Variants in VAT1L observed in about 807,000 individuals in gnomAD.
VAT1L encodes putative NADPH-dependent quinone oxidoreductase VAT1L.
VAT1L carries 34 observed loss-of-function variants against 44.1 expected under a neutral mutation model. The observed-to-expected ratio is 0.77, with a 90% CI of 0.59 to 1.03. The LOEUF (loss-of-function observed/expected upper bound fraction) is 1.03, where lower values mean the gene tolerates loss of function less well. VAT1L is among the 50% of genes least tolerant of loss of function. The probability of loss-of-function intolerance (pLI) is 0.00; values close to 1 mark genes in which losing one functional copy is unlikely to be tolerated. For missense variants in VAT1L, 615 were observed against 538.8 expected (o/e 1.14, Z -1.40); for synonymous variants, 253 against 202.2 (o/e 1.25, Z -2.13).
At chr16:77,805,652 C>T (rs755399375) in intron 1 of VAT1L, among the ~76,000 whole-genome samples, 63 of 150,952 alleles carry the variant, frequency 4.2e-4, no homozygotes, top group Non-Finnish European at 7.1e-4. Context: ...GTTAAAGTTC[C>T]GAGGCAGAGG....
chr16:77,903,948 G>C (rs191605923), intron 7 of VAT1L, among the ~76,000 whole-genome samples: 8 of 151,924 alleles, frequency 5.3e-5, no homozygotes, highest in Non-Finnish European at 1.2e-4. Flanking sequence ...ATGTTAGCAA[G>C]GATGGTCTCG....
At chr16:77,868,916 C>T (rs150495949) in intron 4 of VAT1L, among the ~76,000 whole-genome samples, 5 of 152,234 alleles carry the variant, frequency 3.3e-5, no homozygotes, top group South Asian at 4.2e-4. Context: ...AAATATGAAA[C>T]GACTGCAGAC....
intron 7 of VAT1L, among the ~76,000 whole-genome samples, chr16:77,953,099 G>A (rs187687238): frequency 2.0e-5 from 3 of 152,246 alleles, no homozygotes; most frequent in Non-Finnish European, 2.9e-5. Flanking sequence ...TGATGATGGA[G>A]GCAGAGACAG....
At chr16:77,809,837 A>G (rs974735618) in intron 1 of VAT1L, among the ~76,000 whole-genome samples, 1 of 152,202 alleles carries the variant, frequency 6.6e-6, no homozygotes, top group African/African-American at 2.4e-5. Flanking sequence ...CTTGTGTTTT[A>G]AATTTCCTCC....
intron 5 of VAT1L, among the ~76,000 whole-genome samples, chr16:77,877,224 C>T (rs2017097048): frequency 6.6e-6 from 1 of 152,082 alleles, no homozygotes; most frequent in Non-Finnish European, 1.5e-5. Flanking sequence ...ACATTAGTCT[C>T]CACAGGCCGG....
intron 1 of VAT1L, among the ~76,000 whole-genome samples, chr16:77,806,896 AT>A (rs2016170759): frequency 6.6e-6 from 1 of 152,092 alleles, no homozygotes. Context: ...TCTCCCTTCC[AT>A]GGAAAGCTGG....
At chr16:77,941,858 A>C (rs2017888435) in intron 7 of VAT1L, among the ~76,000 whole-genome samples, 2 of 152,112 alleles carry the variant, frequency 1.3e-5, no homozygotes, top group African/African-American at 4.8e-5. Flanking sequence ...CAGAGTGCCC[A>C]GATTACAGAC....
At chr16:77,838,373 G>A (rs538005927) in intron 3 of VAT1L, among the ~76,000 whole-genome samples, 2 of 152,182 alleles carry the variant, frequency 1.3e-5, no homozygotes, top group Non-Finnish European at 2.9e-5. Context: ...CGTGGTCTCT[G>A]TTCTCACTGA....
chr16:77,857,990 G>A (rs527463934), intron 3 of VAT1L, among the ~76,000 whole-genome samples: 1 of 152,146 alleles, frequency 6.6e-6, no homozygotes, highest in Admixed American at 6.5e-5. Flanking sequence ...ACTGGGAAGG[G>A]CTGCCCCCAT....
intron 7 of VAT1L, among the ~76,000 whole-genome samples, chr16:77,909,047 T>C (rs73564429): frequency 2.6e-5 from 4 of 152,166 alleles, no homozygotes; most frequent in Admixed American, 1.3e-4. Context: ...TCAACACACA[T>C]TGAGCATTGA....
chr16:77,860,923 A>C (rs1286059198), intron 3 of VAT1L, among the ~76,000 whole-genome samples: 4 of 152,242 alleles, frequency 2.6e-5, no homozygotes, highest in Admixed American at 2.6e-4. Flanking sequence ...AGTAGACAGC[A>C]TAACAATGGA....
chr16:77,906,901 G>A (rs1250934021), intron 7 of VAT1L, among the ~76,000 whole-genome samples: 1 of 152,158 alleles, frequency 6.6e-6, no homozygotes, highest in Non-Finnish European at 1.5e-5. Context: ...AGGGTATAAA[G>A]GGGCCCAGAA....
At chr16:77,948,910 C>A (rs1161864415) in intron 7 of VAT1L, among the ~76,000 whole-genome samples, 2 of 152,066 alleles carry the variant, frequency 1.3e-5, no homozygotes, top group Non-Finnish European at 2.9e-5. Context: ...AAGCATTTGA[C>A]ACTTAGCATG....
chr16:77,866,069 T>A (rs966240628), intron 4 of VAT1L, among the ~76,000 whole-genome samples: 7 of 152,122 alleles, frequency 4.6e-5, no homozygotes, highest in African/African-American at 1.7e-4. Flanking sequence ...GACCTTGGGA[T>A]TACACTCAGA....
At chr16:77,848,925 C>A (rs2016782381) in intron 3 of VAT1L, among the ~76,000 whole-genome samples, 1 of 152,150 alleles carries the variant, frequency 6.6e-6, no homozygotes, top group African/African-American at 2.4e-5. Context: ...TCATTCTCAG[C>A]AAACTAACAC....
chr16:77,879,270 C>A lies in VAT1L; in HGVS notation c.882+46C>A. The stretch of plus-strand genomic sequence containing the variant: ...GATGTACTGTGGTGGCATGTTGATT[C>A]ACATGTTGAGAGCTTTGTTTTTGTT... On this transcript the variant is annotated intron_variant, in intron 6 of 8. Coordinates refer to ENST00000302536, the MANE Select transcript of VAT1L (RefSeq NM_020927.3). This position sits in a 1 kb window ranked among gnomAD's most constrained non-coding sequence, Gnocchi z 4.1. 1 of 1,581,202 alleles carries A rather than the reference C, an allele frequency of 6.3e-7. No homozygotes were observed. Among genetic ancestry groups the A allele is most frequent in the Non-Finnish European group, 8.7e-7 (1 of 1,150,800 alleles).
In VAT1L at chr16:77,978,883, G is replaced by A. The variant is rs769780914; in HGVS notation, c.*1188G>A. ...TGCAATTTGACTGTGCTTGAGAGGT[G>A]AATACAGTTACCTTCGAGAAACAGA... is the stretch of plus-strand genomic sequence containing the variant. On this transcript the variant is annotated 3_prime_UTR_variant, in exon 9 of 9. Coordinates refer to ENST00000302536, the MANE Select transcript of VAT1L (RefSeq NM_020927.3). The A allele has an allele frequency of 2.6e-5, 4 of 152,184 alleles. No homozygotes were observed. The East Asian group carries it at 7.7e-4, about 29-fold the overall frequency. 9.4% of individuals were successfully genotyped at this position (152,184 alleles called of 1,614,324 possible).
chr16:77,960,199 C>G (rs2018146067), intron 7 of VAT1L, among the ~76,000 whole-genome samples: 1 of 152,102 alleles, frequency 6.6e-6, no homozygotes, highest in Non-Finnish European at 1.5e-5. Flanking sequence ...GCCTCACCAG[C>G]TTAGGGGGTC....
chr16:77,839,731 A>G (rs1346772668), intron 3 of VAT1L, among the ~76,000 whole-genome samples: 4 of 151,982 alleles, frequency 2.6e-5, no homozygotes, highest in Admixed American at 6.6e-5. Flanking sequence ...AGGAGACTCT[A>G]ATGCATGCTC....
Sources: allele counts gnomAD v4.1 joint callset (sites outside exome capture counted in the v4.1 genomes callset), GRCh38; gene constraint gnomAD v4.1.1; non-coding constraint Gnocchi (gnomAD v3.1); transcripts MANE v1.5; gene names NCBI Gene and HGNC (gene_info 2026-07-23, HGNC 2026-07-21).